The following PHACTR1 variants were observed in gnomAD, a reference collection of about 807,000 sequenced individuals.
PHACTR1 encodes the protein RPEL repeat containing 1.
A neutral mutation model predicts 69.2 loss-of-function variants in PHACTR1; 16 were observed. That is an observed-to-expected ratio of 0.23 (90% CI 0.16 to 0.35). The LOEUF is 0.35. Ranked by LOEUF, PHACTR1 falls within the 10% of genes least tolerant of loss-of-function variation. The pLI, the probability that PHACTR1 is intolerant of heterozygous loss-of-function variation, is 1.00. For missense variants in PHACTR1, 510 were observed against 734.7 expected, an observed-to-expected ratio of 0.69 and a Z score of 3.54; for synonymous variants, 312 against 284.5, an observed-to-expected ratio of 1.10 and a Z score of -0.97.
At chr6:13,195,626 C>T (rs915144582) in intron 7 of PHACTR1, among the ~76,000 whole-genome samples, 7 of 151,672 alleles carry the variant, frequency 4.6e-5, no homozygotes, top group African/African-American at 1.5e-4. Context: ...GGCGTTGTGG[C>T]GAGCACCTGT....
chr6:13,193,154 CAGTT>C (rs1245655375), intron 7 of PHACTR1, among the ~76,000 whole-genome samples: 2 of 151,686 alleles, frequency 1.3e-5, no homozygotes, highest in Admixed American at 6.6e-5. Context: ...CAACTACAGA[CAGTT>C]AGACCAGCCA....
At position 12,975,419 on chromosome 6, in the gene PHACTR1, C is replaced by T. The variant is rs140533619; in HGVS notation, c.251-77946C>T. Among the ~76,000 whole-genome samples, 44 of 152,278 alleles carry T rather than the reference C, an allele frequency of 2.9e-4. No homozygotes were observed. The East Asian group carries it at 8.5e-3, about 29-fold the overall frequency. On this transcript the variant is annotated intron_variant, in intron 4 of 14. Coordinates refer to ENST00000332995, the MANE Select transcript of PHACTR1 (RefSeq NM_030948.6). The stretch of plus-strand genomic sequence containing the variant: ...ATATGAAAATACTCTTAAAACTTCA[C>T]TCTGCAAAAATCTGCAATGAATTTT...
chr6:12,914,799 G>C (rs1363051626), intron 4 of PHACTR1, among the ~76,000 whole-genome samples: 1 of 152,182 alleles, frequency 6.6e-6, no homozygotes, highest in Non-Finnish European at 1.5e-5. Context: ...GCAGTCTAGA[G>C]CTAAGGAAAA....
intron 4 of PHACTR1, among the ~76,000 whole-genome samples, chr6:12,755,403 A>G (rs1231934430): frequency 1.3e-5 from 2 of 152,198 alleles, no homozygotes. Flanking sequence ...CATTCAATCT[A>G]AAAATAACTG....
intron 4 of PHACTR1, among the ~76,000 whole-genome samples, chr6:13,027,680 G>T (rs1306456017): frequency 1.3e-5 from 1 of 75,978 alleles, no homozygotes; most frequent in Non-Finnish European, 3.9e-5. Flanking sequence ...AATAATATGT[G>T]GAATTTTTTT....
chr6:13,060,606 G>A (rs999703060), intron 5 of PHACTR1, among the ~76,000 whole-genome samples: 1 of 152,154 alleles, frequency 6.6e-6, no homozygotes, highest in Admixed American at 6.5e-5. Flanking sequence ...GAACTCTACT[G>A]CAATCAGAGG....
In PHACTR1 at chr6:12,945,214, T is replaced by A. The variant is rs116149444; in HGVS notation, c.251-108151T>A. Among the ~76,000 whole-genome samples, 950 of 152,266 alleles carry A rather than the reference T, an allele frequency of 6.2e-3. 10 individuals are homozygous for A. The highest frequency in any genetic ancestry group is 0.021 in the African/African-American group (889 of 41,536). On this transcript the variant is annotated intron_variant, in intron 4 of 14. Transcript: ENST00000332995. ...CTCCTACTTCTCTTTTAGGTCCCCATATAAAACCACTTCCTCCAGAAAGCC... is the reference window on the plus strand; with the variant it reads ...CTCCTACTTCTCTTTTAGGTCCCCAAATAAAACCACTTCCTCCAGAAAGCC...
At chr6:12,725,367 C>T (rs1447131526) in intron 3 of PHACTR1, among the ~76,000 whole-genome samples, 2 of 152,228 alleles carry the variant, frequency 1.3e-5, no homozygotes, top group East Asian at 3.8e-4. Flanking sequence ...CATGCTCATA[C>T]TATTTCCTTT....
chr6:13,133,486 G>A (rs1258563435), intron 5 of PHACTR1, among the ~76,000 whole-genome samples: 2 of 151,942 alleles, frequency 1.3e-5, no homozygotes, highest in African/African-American at 4.8e-5. Flanking sequence ...TGGTGGAGAC[G>A]GGGTTTCGCC....
intron 10 of PHACTR1, among the ~76,000 whole-genome samples, chr6:13,237,496 A>G (rs765359024): frequency 1.3e-5 from 2 of 152,138 alleles, no homozygotes; most frequent in Non-Finnish European, 2.9e-5. Context: ...AGTTTATTCT[A>G]TTTATAGTAT....
intron 5 of PHACTR1, among the ~76,000 whole-genome samples, chr6:13,094,088 G>A (rs1813735058): frequency 6.6e-6 from 1 of 151,974 alleles, no homozygotes; most frequent in Admixed American, 6.6e-5. Context: ...GCCCAGGCTG[G>A]TCTCAAACTC....
intron 4 of PHACTR1, among the ~76,000 whole-genome samples, chr6:12,953,908 C>G (rs918877596): frequency 6.6e-6 from 1 of 152,064 alleles, no homozygotes; most frequent in Non-Finnish European, 1.5e-5. Context: ...ACACATAATT[C>G]CTATTCTTGG....
chr6:13,237,705 G>C (rs1185865792), intron 10 of PHACTR1, among the ~76,000 whole-genome samples: 1 of 152,216 alleles, frequency 6.6e-6, no homozygotes, highest in African/African-American at 2.4e-5. Context: ...TGAGAAATGT[G>C]TCAGGCAATT....
At chr6:12,914,678 G>A (rs1279363615) in intron 4 of PHACTR1, among the ~76,000 whole-genome samples, 3 of 152,006 alleles carry the variant, frequency 2.0e-5, no homozygotes, top group African/African-American at 4.8e-5. Flanking sequence ...TGCTCTCTCA[G>A]GGGGAGCAAT....
intron 10 of PHACTR1, among the ~76,000 whole-genome samples, chr6:13,233,928 C>T (rs1771605517): frequency 6.6e-6 from 1 of 152,186 alleles, no homozygotes; most frequent in Non-Finnish European, 1.5e-5. Flanking sequence ...AAGCTCTAGC[C>T]AGATTGCAGG....
chr6:13,201,145 CCAGGAA>C (rs1765181129), intron 7 of PHACTR1, among the ~76,000 whole-genome samples: 1 of 151,948 alleles, frequency 6.6e-6, no homozygotes, highest in Admixed American at 6.6e-5. Flanking sequence ...GAGGAGCCAT[CCAGGAA>C]CTAGCTGGGA....
chr6:12,915,333 C>G (rs1021627666), intron 4 of PHACTR1, among the ~76,000 whole-genome samples: 4 of 151,844 alleles, frequency 2.6e-5, no homozygotes, highest in Admixed American at 2.0e-4. Flanking sequence ...ATGGCAAAAC[C>G]CTGTCTCTAC....
chr6:13,258,151 A>G (rs898244660), intron 10 of PHACTR1, among the ~76,000 whole-genome samples: 1 of 152,158 alleles, frequency 6.6e-6, no homozygotes, highest in Non-Finnish European at 1.5e-5. Context: ...TGAGGTCAGG[A>G]GTTCGAGACC....
chr6:12,955,852 T>C (rs544322489), intron 4 of PHACTR1, among the ~76,000 whole-genome samples: 1 of 152,296 alleles, frequency 6.6e-6, no homozygotes, highest in Admixed American at 6.5e-5. Flanking sequence ...ACCCGTCTTC[T>C]AACTCCCGCC....
Sources: allele counts gnomAD v4.1 joint callset (sites outside exome capture counted in the v4.1 genomes callset), GRCh38; gene constraint gnomAD v4.1.1; transcripts MANE v1.5; gene names NCBI Gene and HGNC (gene_info 2026-07-23, HGNC 2026-07-21).